Variants in RTP5 observed in about 807,000 individuals in gnomAD.
RTP5 encodes receptor-transporting protein 5.
Under a neutral mutation model 23.5 loss-of-function variants are expected in RTP5, and 30 were observed. That is an observed-to-expected ratio of 1.27 (90% CI 0.95 to 1.73). RTP5 has a LOEUF of 1.73. Ranked by LOEUF, RTP5 falls within the 40% of genes most tolerant of loss-of-function variation. The probability of loss-of-function intolerance (pLI) is 0.00; values close to 1 mark genes in which losing one functional copy is unlikely to be tolerated. For synonymous variants in RTP5, 354 were observed against 342.1 expected (o/e 1.03, Z -0.38); for missense variants, 807 against 784.2 (o/e 1.03, Z -0.35).
chr2:241,872,223 C>A lies in RTP5; in HGVS notation c.668C>A (p.Ala223Asp). ...CAGGTGCCCATCGCTGAGGGCCCTG[C>A]CCCCCCTGCGGGGGCCTCTCTCCCT... ...NDQVPIAEGPAPPAGASLPVT... is the reference protein window; with the variant it reads ...NDQVPIAEGPDPPAGASLPVT... Residue 223 changes from alanine to aspartate, a missense_variant, in exon 2 of 2, where the codon GCC (alanine) becomes GAC (aspartate). Physicochemically the swap from Ala to Asp is moderately radical, Grantham distance 126. Coordinates refer to ENST00000343216, the MANE Select transcript of RTP5 (RefSeq NM_173821.3). 6.2e-7 allele frequency: 1 copy of A among 1,607,526 alleles called. No individual in the cohort carries two copies. Among genetic ancestry groups the A allele is most frequent in the Non-Finnish European group, 8.5e-7 (1 of 1,176,146 alleles).
rs372991640 is a variant in RTP5 at position 241,872,457 on chromosome 2, G to T, written c.902G>T (p.Gly301Val). The change falls in exon 2 of 2, where the codon GGC becomes GTC. Residue 301 changes from glycine to valine, a missense_variant. Gly to Val is a moderately radical substitution (Grantham distance 109). Transcript: ENST00000343216. The part of the protein sequence containing the change: ...KGRGSLCSPV[G>V]VAQGWGPISL... Reference sequence around the variant, plus strand: ...CGGGGCTCCCTCTGCAGCCCGGTTGGCGTGGCCCAGGGCTGGGGCCCCATC... The same window carrying T: ...CGGGGCTCCCTCTGCAGCCCGGTTGTCGTGGCCCAGGGCTGGGGCCCCATC... 1.9e-6 allele frequency: 3 copies of T among 1,602,912 alleles called. No individual in the cohort carries two copies. The highest frequency in any genetic ancestry group is 2.2e-5 in the South Asian group (2 of 89,668).
chr2:241,871,725 G>T lies in RTP5; in HGVS notation c.170G>T (p.Gly57Val), dbSNP rs1051067069. 3 of 1,605,394 alleles carry T rather than the reference G, an allele frequency of 1.9e-6. No individual in the cohort carries two copies. In the African/African-American group the frequency reaches 4.0e-5, roughly 21 times the overall value. Residue 57 changes from glycine to valine, a missense_variant, in exon 2 of 2, where the codon GGT becomes GTT. Physicochemically the swap from Gly to Val is moderately radical, Grantham distance 109. Transcript: ENST00000343216. ...TTTCCCCGCCGCAGGCTCCAGTGCG[G>T]TCACTGTCCGGGGACCTGGGACTCG... is the stretch of plus-strand genomic sequence containing the variant. ...LLVGLSRLQC[G>V]HCPGTWDSAH...
In RTP5 at chr2:241,872,686, C is replaced by G; in HGVS notation, c.1131C>G (p.Val377=). The part of the protein sequence containing the change: ...SITFPFIFTD[V]KDAVAEVAEG... ...CCTTCCCCTTCATCTTTACTGATGT[C>G]AAGGATGCCGTTGCTGAGGTGGCTG... Residue 377 remains valine, a synonymous_variant, in exon 2 of 2, where the codon GTC becomes GTG. Coordinates refer to ENST00000343216, the MANE Select transcript of RTP5 (RefSeq NM_173821.3). 6.2e-7 allele frequency: 1 copy of G among 1,602,670 alleles called. No individual in the cohort carries two copies. Among genetic ancestry groups the G allele is most frequent in the African/African-American group, 1.3e-5 (1 of 74,628 alleles).
At position 241,872,712 on chromosome 2, in the gene RTP5, A is replaced by T. The variant is rs774384640; in HGVS notation, c.1157A>T (p.Glu386Val). The change falls in exon 2 of 2, where the codon GAA (glutamate) becomes GTA (valine). Residue 386 changes from glutamate to valine, a missense_variant. Coordinates refer to ENST00000343216, the MANE Select transcript of RTP5 (RefSeq NM_173821.3). ...AAGGATGCCGTTGCTGAGGTGGCTGAAGGCAACGGGAAGGAAGGAGGCGGC... is the reference window on the plus strand; with the variant it reads ...AAGGATGCCGTTGCTGAGGTGGCTGTAGGCAACGGGAAGGAAGGAGGCGGC... ...DVKDAVAEVA[E>V]GNGKEGGGQG... The T allele has an allele frequency of 1.2e-6, 2 of 1,600,244 alleles. No homozygotes were observed. The highest frequency in any genetic ancestry group is 2.2e-5 in the South Asian group (2 of 89,600).
Position 241,872,822 on chromosome 2 carries a change from C to G in RTP5, c.1267C>G (p.Leu423Val), listed in dbSNP as rs920253075. 1.1e-5 allele frequency: 18 copies of G among 1,612,400 alleles called. No individual in the cohort carries two copies. Among genetic ancestry groups the G allele is most frequent in the Non-Finnish European group, 1.4e-5 (17 of 1,179,918 alleles). The change falls in exon 2 of 2, where the codon CTC becomes GTC. Residue 423 changes from leucine (L) to valine (V), a missense_variant. By Grantham distance (32) the Leu-to-Val change is conservative. Transcript: ENST00000343216. ...CTCCCAGGTCAAGGGCTCCCTTGCCCTCCCCTTCCCTGCTGATGTCCAAGG... is the reference window on the plus strand; with the variant it reads ...CTCCCAGGTCAAGGGCTCCCTTGCCGTCCCCTTCCCTGCTGATGTCCAAGG... ...LPSQVKGSLA[L>V]PFPADVQGKD... is the part of the protein sequence containing the mutation.
intron 1 of RTP5, 117 bp from the exon 2 acceptor site, chr2:241,871,597 G>T (rs1476310038): frequency 9.8e-6 from 13 of 1,331,058 alleles, no homozygotes; most frequent in Non-Finnish European, 1.3e-5. Context: ...GGGATGTGAG[G>T]CAGGGGGCAG....
Position 241,872,770 on chromosome 2 carries a change from G to T in RTP5, c.1215G>T (p.Leu405=). ...QGLVPVGHDA[L]PETNAGGLPS... The stretch of plus-strand genomic sequence containing the variant: ...TCGTCCCAGTGGGTCACGACGCCCT[G>T]CCAGAGACCAATGCTGGTGGCCTCC... The change falls in exon 2 of 2, where the codon CTG becomes CTT. Residue 405 remains leucine, a synonymous_variant. Coordinates refer to ENST00000343216, the MANE Select transcript of RTP5 (RefSeq NM_173821.3). The T allele has an allele frequency of 1.2e-6, 2 of 1,601,338 alleles. No homozygotes were observed. The highest frequency in any genetic ancestry group is 8.5e-7 in the Non-Finnish European group (1 of 1,172,206).
At chr2:241,871,067 C>T (rs1433877581) in intron 1 of RTP5, 3 of 470,744 alleles carry the variant, frequency 6.4e-6, no homozygotes, top group Non-Finnish European at 1.3e-5. Flanking sequence ...ACAAGCCAAT[C>T]CCTCCCAGTG....
In RTP5 at chr2:241,873,355, C is replaced by T. The variant is rs1370134234; in HGVS notation, c.*81C>T. On this transcript the variant is annotated 3_prime_UTR_variant, in exon 2 of 2. Coordinates refer to ENST00000343216, the MANE Select transcript of RTP5 (RefSeq NM_173821.3). The stretch of plus-strand genomic sequence containing the variant: ...CCCCCCAACCCCGCCTTTGAGATGC[C>T]CGCCCCGCCTCCGAGACCCCGCCTC... 6 of 1,447,246 alleles carry T rather than the reference C, an allele frequency of 4.1e-6. No homozygotes were observed. Among genetic ancestry groups the T allele is most frequent in the Non-Finnish European group, 5.5e-6 (6 of 1,089,830 alleles). 89.7% of individuals were successfully genotyped at this position (1,447,246 alleles called of 1,614,324 possible). A position where few individuals can be genotyped will look rare whatever the true frequency, so the allele number is the denominator to read the frequency against.
chr2:241,872,679 C>CA lies in RTP5; in HGVS notation c.1124_1125insA (p.Asp376Ter). The CA allele has an allele frequency of 6.2e-7, 1 of 1,601,666 alleles. No individual in the cohort carries two copies. ...TCCATCACCTTCCCCTTCATCTTTA[C>CA]TGATGTCAAGGATGCCGTTGCTGAG... is the stretch of plus-strand genomic sequence containing the variant. On this transcript the variant is annotated frameshift_variant, in exon 2 of 2. Transcript: ENST00000343216. LOFTEE classifies it high-confidence loss of function.
intron 1 of RTP5, 107 bp downstream of exon 1, chr2:241,870,021 T>G: frequency 3.2e-5 from 30 of 947,750 alleles, no homozygotes; most frequent in Admixed American, 4.1e-5. Context: ...GGCCTCGTCT[T>G]GTCCCCGAGA....
chr2:241,869,760 G>C lies in RTP5; in HGVS notation c.4G>C (p.Asp2His). Residue 2 changes from aspartate (D) to histidine (H), a missense_variant, in exon 1 of 2, where the codon GAC (aspartate) becomes CAC (histidine). Transcript: ENST00000343216. M[D>H]RAGADMWAST... ...CACTGCGGAGCCAGGCGGCAGCATG[G>C]ACCGGGCTGGGGCAGACATGTGGGC... 1.3e-6 allele frequency: 2 copies of C among 1,525,274 alleles called. No homozygotes were observed. The highest frequency in any genetic ancestry group is 1.8e-6 in the Non-Finnish European group (2 of 1,139,026). 94.5% of individuals were successfully genotyped at this position (1,525,274 alleles called of 1,614,324 possible).
Position 241,872,586 on chromosome 2 carries a change from C to T in RTP5, c.1031C>T (p.Ser344Phe), listed in dbSNP as rs779685824. 2.0e-6 allele frequency: 3 copies of T among 1,537,194 alleles called. No homozygotes were observed. The highest frequency in any genetic ancestry group is 2.6e-6 in the Non-Finnish European group (3 of 1,142,868). ...SGEGSLTFPS[S>F]LTSIFTNTLS... Reference sequence around the variant, plus strand: ...GAGGGCTCCCTCACCTTCCCCTCCTCCCTCACCAGCATCTTCACCAACACC... The same window carrying T: ...GAGGGCTCCCTCACCTTCCCCTCCTTCCTCACCAGCATCTTCACCAACACC... The change falls in exon 2 of 2, where the codon TCC (serine) becomes TTC (phenylalanine). Residue 344 changes from serine to phenylalanine, a missense_variant. Transcript: ENST00000343216.
rs1701365147 is a variant in RTP5 at position 241,873,362 on chromosome 2, G to GCCTCCGTGGCCCCGCCTCCA, written c.*94_*95insTGGCCCCGCCTCCACCTCCG. The GCCTCCGTGGCCCCGCCTCCA allele has an allele frequency of 2.5e-6, 3 of 1,213,698 alleles. No individual in the cohort carries two copies. Among genetic ancestry groups the GCCTCCGTGGCCCCGCCTCCA allele is most frequent in the African/African-American group, 6.8e-5 (2 of 29,384 alleles). 75.2% of individuals were successfully genotyped at this position (1,213,698 alleles called of 1,614,324 possible). On this transcript the variant is annotated 3_prime_UTR_variant, in exon 2 of 2. Transcript: ENST00000343216. Reference sequence around the variant, plus strand: ...ACCCCGCCTTTGAGATGCCCGCCCCGCCTCCGAGACCCCGCCTCCACCTCC... The same window carrying GCCTCCGTGGCCCCGCCTCCA: ...ACCCCGCCTTTGAGATGCCCGCCCCGCCTCCGTGGCCCCGCCTCCACCTCCGAGACCCCGCCTCCACCTCC...
rs74000573 is a variant in RTP5 at position 241,872,346 on chromosome 2, C to T, written c.791C>T (p.Ala264Val). ...AMPGGKGFPV[A>V]IGDPLFHGPG... ...CCTGGGGGCAAAGGCTTCCCGGTGG[C>T]CATTGGAGACCCCCTCTTCCACGGC... Residue 264 changes from alanine to valine, a missense_variant, in exon 2 of 2, where the codon GCC (alanine) becomes GTC (valine). Physicochemically the swap from Ala to Val is moderately conservative, Grantham distance 64. Transcript: ENST00000343216. 4,283 of 1,610,456 alleles carry T rather than the reference C, an allele frequency of 2.7e-3. 107 individuals carry two copies. In the African/African-American group the frequency reaches 0.051, roughly 19 times the overall value.
At chr2:241,870,215 A>G (rs1701290200) in intron 1 of RTP5, among the ~76,000 whole-genome samples, 1 of 152,116 alleles carries the variant, frequency 6.6e-6, no homozygotes, top group Non-Finnish European at 1.5e-5. Context: ...TCCTGCTTCC[A>G]TGGCACTGCC....
In RTP5 at chr2:241,871,824, G is replaced by C; in HGVS notation, c.269G>C (p.Trp90Ser). ...SHRGLVKMRI[W>S]GQRCRLCPAP... ...CGGGGGCTGGTGAAGATGCGCATCT[G>C]GGGCCAGCGGTGCAGGCTGTGCCCC... Residue 90 changes from tryptophan to serine, a missense_variant, in exon 2 of 2, where the codon TGG becomes TCG. Transcript: ENST00000343216. 1 of 1,559,330 alleles carries C rather than the reference G, an allele frequency of 6.4e-7. No individual in the cohort carries two copies. Among genetic ancestry groups the C allele is most frequent in the Non-Finnish European group, 8.7e-7 (1 of 1,152,548 alleles).
intron 1 of RTP5, 63 bp from the exon 2 acceptor site, chr2:241,871,651 T>G: frequency 2.0e-6 from 3 of 1,503,888 alleles, no homozygotes; most frequent in Non-Finnish European, 2.7e-6. Context: ...CAGAGCAGAG[T>G]GCGAGGGCTG....
chr2:241,871,032 G>C (rs765913507), intron 1 of RTP5: 4 of 470,892 alleles, frequency 8.5e-6, no homozygotes, highest in African/African-American at 8.0e-5. Context: ...CTAGCAAATG[G>C]TCACCGGTCT....
Sources: allele counts gnomAD v4.1 joint callset (sites outside exome capture counted in the v4.1 genomes callset), GRCh38; gene constraint gnomAD v4.1.1; transcripts MANE v1.5; gene names NCBI Gene and HGNC (gene_info 2026-07-23, HGNC 2026-07-21).